MCFD2: variants seen among roughly 807,000 people sequenced by gnomAD.
The protein encoded by MCFD2 is multiple coagulation factor deficiency protein 2.
A neutral mutation model predicts 12.8 loss-of-function variants in MCFD2; 11 were observed. The ratio of observed to expected loss-of-function variants is 0.86; its 90% CI spans 0.54 to 1.42. The LOEUF is 1.42. Among genes scored for constraint, MCFD2 ranks in the 40% most tolerant of loss-of-function variants. The pLI is 0.00. For synonymous variants in MCFD2, 70 were observed against 68.1 expected (o/e 1.03, Z -0.14); for missense variants, 191 against 178.6 (o/e 1.07, Z -0.40).
chr2:46,930,815 T>C (rs1412621463), intron 1 of MCFD2, among the ~76,000 whole-genome samples: 1 of 152,146 alleles, frequency 6.6e-6, no homozygotes, highest in Non-Finnish European at 1.5e-5. Flanking sequence ...TCCTATAATT[T>C]TTAAAGAAAT....
rs1412733120 is a variant in MCFD2, at chr2:46,902,827, A to C, written c.*2636T>G. On this transcript the variant is annotated 3_prime_UTR_variant, in exon 4 of 4. Transcript: ENST00000319466. ...TTTGCCTGAAGAGATAGGAACCACC[A>C]GGGCAAACATTTGGTATTCACTCCA... 2 of 152,198 alleles carry C rather than the reference A, an allele frequency of 1.3e-5. No homozygotes were observed. Among genetic ancestry groups the C allele is most frequent in the Non-Finnish European group, 2.9e-5 (2 of 68,020 alleles). 9.4% of individuals were successfully genotyped at this position (152,198 alleles called of 1,614,324 possible).
chr2:46,907,726 A>G lies in MCFD2; in HGVS notation c.309+84T>C. On this transcript the variant is annotated intron_variant, in intron 3 of 3. Transcript: ENST00000319466. This position sits in a 1 kb window ranked among gnomAD's most constrained non-coding sequence, Gnocchi z 4.1. ...AGCAGCACTCTTGGCACATAAGGAC[A>G]ACACAAGTCAACAAGACTGGGGACC... The G allele has an allele frequency of 7.0e-7, 1 of 1,433,282 alleles. No individual in the cohort carries two copies. Among genetic ancestry groups the G allele is most frequent in the East Asian group, 2.3e-5 (1 of 44,038 alleles). 88.8% of individuals were successfully genotyped at this position (1,433,282 alleles called of 1,614,324 possible).
In MCFD2 at chr2:46,907,053, C is replaced by A. The variant is rs536377338; in HGVS notation, c.309+757G>T. 6.5e-6 allele frequency: 1 copy of A among 152,768 alleles called. No homozygotes were observed. The highest frequency in any genetic ancestry group is 1.5e-5 in the Non-Finnish European group (1 of 68,432). The allele number at this position is 152,768 out of a possible 1,614,324, so 9.5% of individuals were successfully genotyped here. A position where few individuals can be genotyped will look rare whatever the true frequency, so the allele number is the denominator to read the frequency against. On this transcript the variant is annotated intron_variant, in intron 3 of 3. Coordinates refer to ENST00000319466, the MANE Select transcript of MCFD2 (RefSeq NM_139279.6). The surrounding 1 kb of genome is among the most constrained non-coding windows in gnomAD (Gnocchi z 4.1). ...TACTCAAGATGTTGCAAAGATCCAA[C>A]GAGATCTCTAACCTACTTGAAAGGG... is the stretch of plus-strand genomic sequence containing the variant.
chr2:46,928,190 C>G (rs954027849), intron 1 of MCFD2, among the ~76,000 whole-genome samples: 1 of 151,854 alleles, frequency 6.6e-6, no homozygotes, highest in Non-Finnish European at 1.5e-5. Flanking sequence ...TTGCACCCAG[C>G]CTTGTATTAG....
chr2:46,928,729 T>C (rs56176930), intron 1 of MCFD2, among the ~76,000 whole-genome samples: 29,213 of 151,364 alleles, frequency 0.19, 3,704 homozygotes, highest in African/African-American at 0.35. Flanking sequence ...GTGATTGCAC[T>C]ACTGCACTCC....
intron 1 of MCFD2, among the ~76,000 whole-genome samples, chr2:46,939,624 AGGT>A (rs1353346082): frequency 2.6e-5 from 4 of 152,128 alleles, no homozygotes; most frequent in African/African-American, 9.7e-5. Flanking sequence ...GCAGGAAAGG[AGGT>A]CTTATTTCTG....
upstream of MCFD2, among the ~76,000 whole-genome samples, chr2:46,916,918 C>A (rs995312792): frequency 1.3e-5 from 2 of 152,094 alleles, no homozygotes; most frequent in Non-Finnish European, 2.9e-5. Context: ...CAGGCGTGAG[C>A]CACCACTCCC....
At chr2:46,939,254 C>T (rs1349676537) in intron 1 of MCFD2, among the ~76,000 whole-genome samples, 1 of 152,036 alleles carries the variant, frequency 6.6e-6, no homozygotes, top group Non-Finnish European at 1.5e-5. Context: ...AAACAAGTCA[C>T]TAAGGAAGGA....
chr2:46,908,643 T>G lies in MCFD2; in HGVS notation c.149+380A>C. On this transcript the variant is annotated intron_variant, in intron 2 of 3. Transcript: ENST00000319466. The surrounding 1 kb of genome is among the most constrained non-coding windows in gnomAD (Gnocchi z 4.5). Reference sequence around the variant, plus strand: ...AAGCTGCAACAAATGATTCAATGTTTGAATGTGTTGATTTAAAAAAGGTCT... The same window carrying G: ...AAGCTGCAACAAATGATTCAATGTTGGAATGTGTTGATTTAAAAAAGGTCT... 3.1e-6 allele frequency: 1 copy of G among 325,124 alleles called. No homozygotes were observed. The highest frequency in any genetic ancestry group is 2.7e-5 in the South Asian group (1 of 36,788). The allele number at this position is 325,124 out of a possible 1,614,324, so 20.1% of individuals were successfully genotyped here. A position where few individuals can be genotyped will look rare whatever the true frequency, so the allele number is the denominator to read the frequency against.
At chr2:46,911,967 T>C (rs1373820770) in intron 1 of MCFD2, among the ~76,000 whole-genome samples, 1 of 152,186 alleles carries the variant, frequency 6.6e-6, no homozygotes, top group African/African-American at 2.4e-5. Flanking sequence ...AAAAGGAGTT[T>C]CCGGTTAATT....
rs1035422362 is a variant in MCFD2, at chr2:46,908,029, T to C, written c.150-60A>G. The C allele has an allele frequency of 6.3e-7, 1 of 1,594,500 alleles. No homozygotes were observed. The highest frequency in any genetic ancestry group is 1.1e-5 in the South Asian group (1 of 90,484). On this transcript the variant is annotated intron_variant, in intron 2 of 3. Coordinates refer to ENST00000319466, the MANE Select transcript of MCFD2 (RefSeq NM_139279.6). The surrounding 1 kb of genome is among the most constrained non-coding windows in gnomAD (Gnocchi z 4.5). ...AGATACTGGGATCATGCTGAAATCT[T>C]AAGGACTCTGAAAAGTTCAAGATCT... is the stretch of plus-strand genomic sequence containing the variant.
At chr2:46,911,124 T>C (rs1219551001) in intron 1 of MCFD2, among the ~76,000 whole-genome samples, 5 of 152,170 alleles carry the variant, frequency 3.3e-5, no homozygotes, top group Non-Finnish European at 7.3e-5. Flanking sequence ...TCAGACCTTT[T>C]ATTTTTTAAT....
chr2:46,920,973 TAA>T (rs34487440), intron 1 of MCFD2, among the ~76,000 whole-genome samples: 6 of 139,184 alleles, frequency 4.3e-5, no homozygotes, highest in African/African-American at 1.3e-4. Flanking sequence ...CTATTCATGA[TAA>T]AAAAAAAAAA....
upstream of MCFD2, among the ~76,000 whole-genome samples, chr2:46,917,698 C>A (rs766986113): frequency 1.9e-4 from 29 of 152,200 alleles, no homozygotes; most frequent in Non-Finnish European, 3.2e-4. Flanking sequence ...TATAAACTTG[C>A]TGTATTTTCT....
At position 46,928,724 on chromosome 2, in the gene MCFD2, T is replaced by G. The variant is rs551274356; in HGVS notation, c.-8+12848A>C. Among the ~76,000 whole-genome samples, 38 of 151,918 alleles carry G rather than the reference T, an allele frequency of 2.5e-4. No homozygotes were observed. The Middle Eastern group carries it at 0.01, about 41-fold the overall frequency. On this transcript the variant is annotated intron_variant, in intron 1 of 2. Coordinates refer to the MCFD2 transcript ENST00000409147. ...GGTTGAGGCTGCAGTGAGCTGTGAT[T>G]GCACTACTGCACTCCAGCGTGGGTA... is the stretch of plus-strand genomic sequence containing the variant.
At position 46,940,983 on chromosome 2, in the gene MCFD2, A is replaced by G. The variant is rs1433079010; in HGVS notation, c.-8+589T>C. Among the ~76,000 whole-genome samples, 1 of 151,854 alleles carries G rather than the reference A, an allele frequency of 6.6e-6. No homozygotes were observed. The highest frequency in any genetic ancestry group is 1.5e-5 in the Non-Finnish European group (1 of 67,982). Reference sequence around the variant, plus strand: ...TGGGATGGGGAGGGGGCGGGAAGCGAGGCGCCCCCGGGCGCCGGGGCTCCG... The same window carrying G: ...TGGGATGGGGAGGGGGCGGGAAGCGGGGCGCCCCCGGGCGCCGGGGCTCCG... On this transcript the variant is annotated intron_variant, in intron 1 of 2. Transcript: ENST00000409147. The surrounding 1 kb of genome is among the most constrained non-coding windows in gnomAD (Gnocchi z 4.7).
At chr2:46,924,384 T>G (rs1186228685) in intron 1 of MCFD2, among the ~76,000 whole-genome samples, 1 of 152,186 alleles carries the variant, frequency 6.6e-6, no homozygotes, top group Non-Finnish European at 1.5e-5. Context: ...TTTCCCTACT[T>G]TATTGTGAGC....
chr2:46,905,351 T>C lies in MCFD2; in HGVS notation c.*112A>G. On this transcript the variant is annotated 3_prime_UTR_variant, in exon 4 of 4. Coordinates refer to ENST00000319466, the MANE Select transcript of MCFD2 (RefSeq NM_139279.6). ...AGTGTAACGAATCGCTACAGGTTTT[T>C]ACCAAAATGCTGCAGCAGTAGTTGG... 1 of 1,243,208 alleles carries C rather than the reference T, an allele frequency of 8.0e-7. No homozygotes were observed. Among genetic ancestry groups the C allele is most frequent in the Non-Finnish European group, 1.2e-6 (1 of 847,476 alleles). The allele number at this position is 1,243,208 out of a possible 1,614,324, so 77.0% of individuals were successfully genotyped here. A position where few individuals can be genotyped will look rare whatever the true frequency, so the allele number is the denominator to read the frequency against.
At position 46,941,648 on chromosome 2, in the gene MCFD2, T is replaced by C; in HGVS notation, c.-84A>G. On this transcript the variant is annotated 5_prime_UTR_variant, in exon 1 of 3. Transcript: ENST00000409147. The surrounding 1 kb of genome is among the most constrained non-coding windows in gnomAD (Gnocchi z 4.2). ...CGCATGCCGGAGCTGGTCCGGCAGC[T>C]GCAGACGCTGAGCATGCCCGGCGGC... The C allele has an allele frequency of 6.4e-7, 1 of 1,552,614 alleles. No homozygotes were observed. Among genetic ancestry groups the C allele is most frequent in the Non-Finnish European group, 8.7e-7 (1 of 1,148,424 alleles).
Sources: gnomAD v4.1 joint callset for allele counts (sites outside exome capture counted in the v4.1 genomes callset) on GRCh38, gnomAD v4.1.1 for gene constraint, Gnocchi (gnomAD v3.1) non-coding constraint, MANE v1.5 for transcripts, NCBI Gene and HGNC (gene_info 2026-07-23, HGNC 2026-07-21) for gene names.